The following IDH3A variants were observed in gnomAD, a reference collection of about 807,000 sequenced individuals.
IDH3A encodes the protein isocitrate dehydrogenase (NAD(+)) 3 catalytic subunit alpha, also known as isocitrate dehydrogenase [NAD] subunit alpha, mitochondrial.
IDH3A carries 23 observed loss-of-function variants against 43.3 expected under a neutral mutation model. The ratio of observed to expected loss-of-function variants is 0.53; its 90% confidence interval spans 0.38 to 0.75. The LOEUF is 0.75. IDH3A is among the 30% of genes least tolerant of loss of function. IDH3A has a pLI of 0.00. For synonymous variants in IDH3A, 154 were observed against 163.5 expected, an observed-to-expected ratio of 0.94 and a Z score of 0.44; for missense variants, 329 against 474.4, an observed-to-expected ratio of 0.69 and a Z score of 2.85.
At chr15:78,158,919 G>A (rs537753486) in intron 3 of IDH3A, among the ~76,000 whole-genome samples, 2 of 151,844 alleles carry the variant, frequency 1.3e-5, no homozygotes, top group African/African-American at 4.8e-5. Context: ...TGCAACCTCC[G>A]TCTCCCAGGT....
At chr15:78,155,317 T>G in intron 2 of IDH3A, 42 bp downstream of exon 2, 2 of 1,377,870 alleles carry the variant, frequency 1.5e-6, no homozygotes, top group South Asian at 2.4e-5. Context: ...TTTAGAAGTT[T>G]CTCAAGAAAG....
intron 1 of IDH3A, among the ~76,000 whole-genome samples, chr15:78,149,671 G>C (rs1197538032): frequency 1.3e-5 from 2 of 152,232 alleles, no homozygotes; most frequent in Non-Finnish European, 1.5e-5. Flanking sequence ...TCAAGGTCAA[G>C]GCGGGGGGGC....
chr15:78,161,721 A>G lies in IDH3A; in HGVS notation c.430A>G (p.Thr144Ala). Residue 144 changes from threonine to alanine, a missense_variant, in exon 5 of 11, where the codon ACC (threonine) becomes GCC (alanine). Thr to Ala is a moderately conservative substitution (Grantham distance 58). Transcript: ENST00000299518. The surrounding 1 kb of genome is among the most constrained non-coding windows in gnomAD (Gnocchi z 4.8). ...KTPYTDVNIV[T>A]IRENTEGEYS... Reference sequence around the variant, plus strand: ...CCCTTACACCGATGTAAATATTGTGACCATTCGAGAGAACACAGAAGGAGA... The same window carrying G: ...CCCTTACACCGATGTAAATATTGTGGCCATTCGAGAGAACACAGAAGGAGA... 6.2e-7 allele frequency: 1 copy of G among 1,614,166 alleles called. No homozygotes were observed. Among genetic ancestry groups the G allele is most frequent in the South Asian group, 1.1e-5 (1 of 91,080 alleles).
At chr15:78,160,880 A>G (rs956883260) in intron 4 of IDH3A, among the ~76,000 whole-genome samples, 82 of 147,856 alleles carry the variant, frequency 5.5e-4, no homozygotes, top group African/African-American at 1.9e-3. Flanking sequence ...TAAATTCAGC[A>G]TAGGCTTTAT....
intron 4 of IDH3A, 129 bp downstream of exon 4, chr15:78,160,335 G>A (rs2074668800): frequency 1.7e-6 from 1 of 594,820 alleles, no homozygotes; most frequent in African/African-American, 1.9e-5. Context: ...CTTTTATGAA[G>A]TAACTACTCA....
chr15:78,161,877 C>G lies in IDH3A; in HGVS notation c.477+109C>G. On this transcript the variant is annotated intron_variant, in intron 5 of 10. Coordinates refer to ENST00000299518, the MANE Select transcript of IDH3A (RefSeq NM_005530.3). This position sits in a 1 kb window ranked among gnomAD's most constrained non-coding sequence, Gnocchi z 4.8. ...TCTGTGAGGAGTTGTGGGTGTTTGT[C>G]TTGGTGCTGGGTGTCTGGCTGACAG... 1.0e-6 allele frequency: 1 copy of G among 987,224 alleles called. No homozygotes were observed. The highest frequency in any genetic ancestry group is 1.5e-5 in the South Asian group (1 of 66,602). 61.2% of individuals were successfully genotyped at this position (987,224 alleles called of 1,614,324 possible).
intron 1 of IDH3A, among the ~76,000 whole-genome samples, chr15:78,150,409 A>G (rs900075613): frequency 1.3e-5 from 2 of 152,200 alleles, no homozygotes; most frequent in Non-Finnish European, 2.9e-5. Flanking sequence ...CTAGAAATCT[A>G]TAAACAATTT....
At chr15:78,162,102 T>C in intron 5 of IDH3A, 132 bp from the exon 6 acceptor site, 1 of 844,788 alleles carries the variant, frequency 1.2e-6, no homozygotes, top group East Asian at 2.5e-5. Context: ...GTCGTAGCAG[T>C]GTGTGTGATT....
At chr15:78,153,602 G>T (rs2141940334) in intron 1 of IDH3A, among the ~76,000 whole-genome samples, 1 of 152,252 alleles carries the variant, frequency 6.6e-6, no homozygotes, top group South Asian at 2.1e-4. Context: ...ACCTTTCTTG[G>T]CTGTTGGTTG....
chr15:78,156,531 T>C (rs1233978682), intron 2 of IDH3A, among the ~76,000 whole-genome samples: 2 of 152,170 alleles, frequency 1.3e-5, no homozygotes, highest in Non-Finnish European at 2.9e-5. Flanking sequence ...TAAAAATGTT[T>C]CTTCAGTTGT....
intron 6 of IDH3A, among the ~76,000 whole-genome samples, chr15:78,162,588 C>CA (rs1156814061): frequency 6.7e-6 from 1 of 148,626 alleles, no homozygotes; most frequent in Non-Finnish European, 1.5e-5. Flanking sequence ...TTCTGTTGCC[C>CA]AGGCTGGAGT....
chr15:78,171,368 G>T lies in IDH3A; in HGVS notation c.*2363G>T. The T allele has an allele frequency of 1.6e-6, 2 of 1,275,120 alleles. No individual in the cohort carries two copies. The highest frequency in any genetic ancestry group is 2.3e-6 in the Non-Finnish European group (2 of 888,644). 79.0% of individuals were successfully genotyped at this position (1,275,120 alleles called of 1,614,324 possible). On this transcript the variant is annotated 3_prime_UTR_variant, in exon 11 of 11. Coordinates refer to ENST00000299518, the MANE Select transcript of IDH3A (RefSeq NM_005530.3). ...TGGCAGAAATGCCTGTGCCCAGACTGAAGAGACCTGGGGCTCAGGAAGAGG... is the reference window on the plus strand; with the variant it reads ...TGGCAGAAATGCCTGTGCCCAGACTTAAGAGACCTGGGGCTCAGGAAGAGG...
At chr15:78,164,441 C>T (rs978660575) in intron 8 of IDH3A, among the ~76,000 whole-genome samples, 7 of 151,962 alleles carry the variant, frequency 4.6e-5, no homozygotes, top group African/African-American at 1.7e-4. Context: ...CAACCTCTAC[C>T]TCCCAGGTTC....
At chr15:78,155,995 A>C (rs1442943383) in intron 2 of IDH3A, among the ~76,000 whole-genome samples, 1 of 152,214 alleles carries the variant, frequency 6.6e-6, no homozygotes, top group African/African-American at 2.4e-5. Context: ...AGACCATAGT[A>C]CATTTTTTCC....
chr15:78,162,696 C>T (rs941337080), intron 6 of IDH3A, among the ~76,000 whole-genome samples: 8 of 152,088 alleles, frequency 5.3e-5, no homozygotes, highest in Admixed American at 4.6e-4. Context: ...CAGGCACATG[C>T]CACCATGACC....
At chr15:78,159,100 A>T (rs1245207135) in intron 3 of IDH3A, among the ~76,000 whole-genome samples, 1 of 152,092 alleles carries the variant, frequency 6.6e-6, no homozygotes, top group Non-Finnish European at 1.5e-5. Flanking sequence ...CCCAAAGTGC[A>T]GGGATTACAG....
chr15:78,163,698 C>A lies in IDH3A; in HGVS notation c.715-18C>A. 1 of 1,607,574 alleles carries A rather than the reference C, an allele frequency of 6.2e-7. No homozygotes were observed. Among genetic ancestry groups the A allele is most frequent in the Non-Finnish European group, 8.5e-7 (1 of 1,174,276 alleles). On this transcript the variant is annotated intron_variant, in intron 7 of 10. Coordinates refer to ENST00000299518, the MANE Select transcript of IDH3A (RefSeq NM_005530.3). ...ATGCAGATTTTGATTACTAAATGCA[C>A]AAATGTATTCCTTGTAGATGGTACA... is the stretch of plus-strand genomic sequence containing the variant.
At chr15:78,155,745 A>G (rs2074618325) in intron 2 of IDH3A, 1 of 154,874 alleles carries the variant, frequency 6.5e-6, no homozygotes, top group South Asian at 2.0e-4. Flanking sequence ...TGCCTTATAT[A>G]GGCTTTGTAG....
chr15:78,162,254 G>A lies in IDH3A; in HGVS notation c.498G>A (p.Gln166=). The change falls in exon 6 of 11, where the codon CAG becomes CAA. Residue 166 remains glutamine (Q), a synonymous_variant. Transcript: ENST00000299518. The part of the protein sequence containing the change: ...IEHVIVDGVV[Q]SIKLITEGAS... ...TGCAGATTGTTGATGGAGTCGTGCA[G>A]AGTATCAAGCTCATCACCGAGGGGG... 6.2e-7 allele frequency: 1 copy of A among 1,614,198 alleles called. No homozygotes were observed. Among genetic ancestry groups the A allele is most frequent in the East Asian group, 2.2e-5 (1 of 44,876 alleles).
Sources: allele counts gnomAD v4.1 joint callset (sites outside exome capture counted in the v4.1 genomes callset), GRCh38; gene constraint gnomAD v4.1.1; non-coding constraint Gnocchi (gnomAD v3.1); transcripts MANE v1.5; gene names NCBI Gene and HGNC (gene_info 2026-07-23, HGNC 2026-07-21).